MECOM: variants seen among roughly 807,000 people sequenced by gnomAD.
MECOM encodes the protein histone-lysine N-methyltransferase MECOM.
A neutral mutation model predicts 116.3 loss-of-function variants in MECOM; 13 were observed. That is an observed-to-expected ratio of 0.11 (90% CI 0.07 to 0.18). The LOEUF (loss-of-function observed/expected upper bound fraction) is 0.18. Among genes scored for constraint, MECOM ranks in the 10% least tolerant of loss-of-function variants. The pLI is 1.00. For missense variants in MECOM, 1,299 were observed against 1,509.0 expected, an observed-to-expected ratio of 0.86 and a Z score of 2.31; for synonymous variants, 528 against 535.2, an observed-to-expected ratio of 0.99 and a Z score of 0.19.
At chr3:169,309,907 A>C (rs1333500697) in intron 2 of MECOM, among the ~76,000 whole-genome samples, 1 of 152,222 alleles carries the variant, frequency 6.6e-6, no homozygotes, top group Admixed American at 6.5e-5. Context: ...GATGCTATGA[A>C]GTGCCTTAGA....
rs1406835103 is a variant in MECOM at position 169,116,446 on chromosome 3, G to A, written c.1426C>T (p.Pro476Ser). The A allele has an allele frequency of 3.1e-6, 5 of 1,614,178 alleles. No homozygotes were observed. Among genetic ancestry groups the A allele is most frequent in the Non-Finnish European group, 4.2e-6 (5 of 1,180,028 alleles). ...GCTGTTGGAAAGGTAAGACCAGCAG[G>A]ATGCCTATTGGCGCCAAAATAGTCA... The part of the protein sequence containing the change: ...LADYFGANRH[P>S]AGLTFPTAPG... The change falls in exon 8 of 17, where the codon CCT becomes TCT. Residue 476 changes from proline to serine, a missense_variant. By Grantham distance (74) the Pro-to-Ser change is moderately conservative. Transcript: ENST00000651503.
chr3:169,133,914 CT>C (rs952939251), intron 3 of MECOM: 4 of 1,288,954 alleles, frequency 3.1e-6, no homozygotes, highest in East Asian at 5.5e-5. Context: ...TGAATCACCT[CT>C]TTTTTTGGCA....
At chr3:169,319,611 T>C (rs1185922130) in intron 2 of MECOM, among the ~76,000 whole-genome samples, 3 of 152,118 alleles carry the variant, frequency 2.0e-5, no homozygotes, top group African/African-American at 2.4e-5. Context: ...ATTGGTCATA[T>C]GGAAACAGAT....
At chr3:169,410,547 T>C (rs1293519812) in intron 1 of MECOM, among the ~76,000 whole-genome samples, 1 of 152,128 alleles carries the variant, frequency 6.6e-6, no homozygotes, top group Non-Finnish European at 1.5e-5. Context: ...GATTCCATGG[T>C]TTTTTGTGAA....
intron 2 of MECOM, chr3:169,147,779 A>T: frequency 8.8e-6 from 7 of 793,360 alleles, no homozygotes; most frequent in African/African-American, 2.2e-5. Flanking sequence ...AGAGAGAGAG[A>T]TGGGGGATGG....
intron 1 of MECOM, among the ~76,000 whole-genome samples, chr3:169,544,060 G>T (rs1288203940): frequency 6.6e-6 from 1 of 152,204 alleles, no homozygotes; most frequent in East Asian, 1.9e-4. Flanking sequence ...TAATTTTTTT[G>T]TATTTTTAGG....
At chr3:169,141,172 C>A (rs1327917450) in intron 3 of MECOM, among the ~76,000 whole-genome samples, 1 of 151,938 alleles carries the variant, frequency 6.6e-6, no homozygotes, top group Non-Finnish European at 1.5e-5. Flanking sequence ...TAATTATTAC[C>A]ATGACTAACT....
intron 2 of MECOM, among the ~76,000 whole-genome samples, chr3:169,226,960 C>T (rs529137938): frequency 1.8e-4 from 27 of 152,112 alleles, no homozygotes; most frequent in African/African-American, 6.3e-4. Flanking sequence ...AAATCCTTGC[C>T]CTATGTTTAA....
chr3:169,637,838 C>G (rs918653786), intron 1 of MECOM, among the ~76,000 whole-genome samples: 3 of 152,200 alleles, frequency 2.0e-5, no homozygotes, highest in Non-Finnish European at 4.4e-5. Flanking sequence ...ACCATTCATT[C>G]CATATTATTC....
chr3:169,651,606 G>C (rs1053300851), intron 1 of MECOM, among the ~76,000 whole-genome samples: 4 of 152,090 alleles, frequency 2.6e-5, no homozygotes, highest in African/African-American at 9.7e-5. Context: ...GGATGCAAAG[G>C]CATAAGAATG....
intron 2 of MECOM, chr3:169,146,569 G>C: frequency 7.3e-7 from 1 of 1,375,768 alleles, no homozygotes; most frequent in Non-Finnish European, 9.7e-7. Context: ...ACGTAGATAA[G>C]CAGCAGGGCT....
chr3:169,627,306 C>T (rs186052636), intron 1 of MECOM, among the ~76,000 whole-genome samples: 41 of 152,232 alleles, frequency 2.7e-4, no homozygotes, highest in Admixed American at 1.7e-3. Flanking sequence ...GAGGCAGCAG[C>T]GAAAAGCCAT....
At chr3:169,477,139 A>ATATG (rs1750606466) in intron 1 of MECOM, 1 of 70,130 alleles carries the variant, frequency 1.4e-5, no homozygotes. Context: ...ATATATATAT[A>ATATG]TATATATATA....
At chr3:169,275,071 A>G (rs143109763) in intron 2 of MECOM, among the ~76,000 whole-genome samples, 7 of 152,344 alleles carry the variant, frequency 4.6e-5, no homozygotes, top group Admixed American at 3.3e-4. Flanking sequence ...AGTTTCTAGC[A>G]GAGTTCTCAT....
chr3:169,654,813 AACACACACAC>A (rs10622808), intron 1 of MECOM, among the ~76,000 whole-genome samples: 2 of 148,084 alleles, frequency 1.4e-5, no homozygotes, highest in African/African-American at 5.1e-5. Flanking sequence ...CACCTATCAA[AACACACACAC>A]ACACACACAC....
intron 2 of MECOM, chr3:169,147,387 T>C: frequency 2.0e-6 from 2 of 985,464 alleles, no homozygotes; most frequent in African/African-American, 1.7e-5. Flanking sequence ...ATGAACTGTC[T>C]CTTTAAAGAG....
chr3:169,511,895 C>T lies in MECOM; in HGVS notation c.38-130371G>A, dbSNP rs529562882. 3.9e-5 allele frequency among the ~76,000 whole-genome samples: 6 copies of T among 152,268 alleles called. No individual in the cohort carries two copies. The East Asian group carries it at 1.2e-3, about 29-fold the overall frequency. Reference sequence around the variant, plus strand: ...TCAGCCTTCTCTCCCAACTAAATAACTTAGATTCTTTTCATCTTATAAGTT... The same window carrying T: ...TCAGCCTTCTCTCCCAACTAAATAATTTAGATTCTTTTCATCTTATAAGTT... On this transcript the variant is annotated intron_variant, in intron 1 of 16. Transcript: ENST00000651503.
intron 2 of MECOM, among the ~76,000 whole-genome samples, chr3:169,217,613 G>A (rs1270116035): frequency 4.0e-5 from 6 of 151,814 alleles, no homozygotes; most frequent in Admixed American, 6.6e-5. Flanking sequence ...GCAAAACCCC[G>A]TCGCCACTAA....
At chr3:169,199,928 G>GA (rs1234682174) in intron 2 of MECOM, among the ~76,000 whole-genome samples, 2 of 152,066 alleles carry the variant, frequency 1.3e-5, no homozygotes, top group African/African-American at 4.8e-5. Flanking sequence ...ATATCTGAGT[G>GA]AAAATTGGTG....
Sources: allele counts gnomAD v4.1 joint callset (sites outside exome capture counted in the v4.1 genomes callset), GRCh38; gene constraint gnomAD v4.1.1; transcripts MANE v1.5; gene names NCBI Gene and HGNC (gene_info 2026-07-23, HGNC 2026-07-21).